The following ZCCHC7 variants were observed in gnomAD, a reference collection of about 807,000 sequenced individuals.
ZCCHC7 encodes the protein zinc finger CCHC-type containing 7.
In ZCCHC7, 35 loss-of-function variants were observed where a neutral mutation model predicts 52.0. The ratio of observed to expected loss-of-function variants is 0.67; its 90% CI spans 0.51 to 0.89. The LOEUF is 0.89. ZCCHC7 is among the 40% of genes least tolerant of loss of function. The pLI is 0.00. For synonymous variants in ZCCHC7, 217 were observed against 221.5 expected (o/e 0.98, Z 0.18); for missense variants, 574 against 649.1 (o/e 0.88, Z 1.26).
At chr9:37,325,314 G>A (rs867740770) in intron 5 of ZCCHC7, among the ~76,000 whole-genome samples, 16 of 152,208 alleles carry the variant, frequency 1.1e-4, no homozygotes, top group African/African-American at 3.6e-4. Context: ...GAGATCACCA[G>A]GGTAACCAAT....
At chr9:37,232,715 C>T (rs1275092319) in intron 2 of ZCCHC7, among the ~76,000 whole-genome samples, 1 of 152,140 alleles carries the variant, frequency 6.6e-6, no homozygotes, top group Non-Finnish European at 1.5e-5. Flanking sequence ...GTTGACATGT[C>T]AAGAAATAAT....
intron 2 of ZCCHC7, among the ~76,000 whole-genome samples, chr9:37,207,015 A>G (rs1823955000): frequency 6.6e-6 from 1 of 151,912 alleles, no homozygotes. Flanking sequence ...AGTCCCAGCT[A>G]CTGGAGAGGC....
At chr9:37,313,853 TAAAC>T (rs1278669451) in intron 5 of ZCCHC7, among the ~76,000 whole-genome samples, 2 of 152,364 alleles carry the variant, frequency 1.3e-5, no homozygotes, top group Non-Finnish European at 2.9e-5. Context: ...TTGAGTCAGT[TAAAC>T]CTCTTTTCTT....
At chr9:37,196,695 T>C (rs1302732846) in intron 2 of ZCCHC7, among the ~76,000 whole-genome samples, 1 of 152,196 alleles carries the variant, frequency 6.6e-6, no homozygotes, top group Non-Finnish European at 1.5e-5. Flanking sequence ...TAAAATTAAC[T>C]TTTTGCCCTG....
At position 37,328,818 on chromosome 9, in the gene ZCCHC7, T is replaced by TA. The variant is rs562013787; in HGVS notation, c.987+986dup. Among the ~76,000 whole-genome samples the TA allele has an allele frequency of 5.2e-3, 793 of 152,064 alleles. 3 individuals carry two copies. Among genetic ancestry groups the TA allele is most frequent in the African/African-American group, 0.018 (747 of 41,568 alleles). ...CAGGCCCAAGAGGCCATAAATTATA[T>TA]AAGGTGGTTTGTTTTCACATTTTGT... On this transcript the variant is annotated intron_variant, in intron 6 of 8. Transcript: ENST00000336755.
chr9:37,200,126 C>G (rs977496421), intron 2 of ZCCHC7, among the ~76,000 whole-genome samples: 3 of 152,110 alleles, frequency 2.0e-5, no homozygotes, highest in African/African-American at 7.2e-5. Context: ...TCTTCCTATT[C>G]TTAATCCTTT....
chr9:37,253,486 A>G (rs978641031), intron 2 of ZCCHC7, among the ~76,000 whole-genome samples: 3 of 152,054 alleles, frequency 2.0e-5, no homozygotes, highest in African/African-American at 7.2e-5. Context: ...TTCTTTATCT[A>G]TGTACATGAT....
At chr9:37,153,050 A>G (rs547787202) in intron 2 of ZCCHC7, among the ~76,000 whole-genome samples, 89 of 152,204 alleles carry the variant, frequency 5.8e-4, no homozygotes, top group African/African-American at 2.1e-3. Flanking sequence ...AAATTGTTCT[A>G]GCTTTGACCT....
chr9:37,246,966 A>G (rs1280061420), intron 2 of ZCCHC7, among the ~76,000 whole-genome samples: 12 of 152,144 alleles, frequency 7.9e-5, no homozygotes, highest in African/African-American at 2.7e-4. Flanking sequence ...TCTCTTAGCA[A>G]TTTTTAAGAA....
At chr9:37,344,521 A>G (rs1190445976) in intron 6 of ZCCHC7, among the ~76,000 whole-genome samples, 2 of 152,014 alleles carry the variant, frequency 1.3e-5, no homozygotes, top group Admixed American at 1.3e-4. Flanking sequence ...GTTTGTTCCT[A>G]CCATAGGACT....
intron 2 of ZCCHC7, among the ~76,000 whole-genome samples, chr9:37,157,386 G>A (rs1390143054): frequency 6.6e-6 from 1 of 152,036 alleles, no homozygotes; most frequent in Non-Finnish European, 1.5e-5. Flanking sequence ...GCTACTTGGG[G>A]AAACTGAGGC....
At chr9:37,256,792 GA>G (rs1357589077) in intron 2 of ZCCHC7, among the ~76,000 whole-genome samples, 2 of 152,122 alleles carry the variant, frequency 1.3e-5, no homozygotes, top group African/African-American at 4.8e-5. Flanking sequence ...TAACTTTTAG[GA>G]AACTATCACC....
At chr9:37,292,744 A>C (rs1268080940) in intron 2 of ZCCHC7, among the ~76,000 whole-genome samples, 2 of 152,212 alleles carry the variant, frequency 1.3e-5, no homozygotes, top group Non-Finnish European at 2.9e-5. Context: ...TGTTTCTTAC[A>C]TGGTATTTTA....
chr9:37,164,469 ATAG>A, intron 2 of ZCCHC7, among the ~76,000 whole-genome samples: 1 of 151,268 alleles, frequency 6.6e-6, no homozygotes, highest in East Asian at 1.9e-4. Context: ...AGATAGATAG[ATAG>A]ATAGATAGAT....
At chr9:37,122,368 A>G (rs1348665734) in intron 1 of ZCCHC7, among the ~76,000 whole-genome samples, 1 of 152,204 alleles carries the variant, frequency 6.6e-6, no homozygotes. Flanking sequence ...TTCTTAGATA[A>G]GTTTCATTTG....
intron 2 of ZCCHC7, among the ~76,000 whole-genome samples, chr9:37,164,095 CAA>C (rs888443965): frequency 1.9e-4 from 29 of 149,744 alleles, no homozygotes; most frequent in African/African-American, 7.1e-4. Flanking sequence ...TTTTTTTTTT[CAA>C]AGTTGTTTTG....
At chr9:37,322,507 T>C (rs1830093228) in intron 5 of ZCCHC7, 1 of 152,050 alleles carries the variant, frequency 6.6e-6, no homozygotes, top group Admixed American at 6.6e-5. Flanking sequence ...AGTGTACTTT[T>C]CTTTTTCATC....
chr9:37,160,078 C>G (rs1821012460), intron 2 of ZCCHC7: 1 of 152,186 alleles, frequency 6.6e-6, no homozygotes, highest in Non-Finnish European at 1.5e-5. Context: ...GCCAGACACC[C>G]TACTTGAAGG....
chr9:37,306,762 C>CTTTTTTTTTTTTTTTTTTTTTTTTT lies in ZCCHC7; in HGVS notation c.951+1066_951+1090dup, dbSNP rs869292704. On this transcript the variant is annotated intron_variant, in intron 5 of 8. Transcript: ENST00000336755. ...ACAGGCATGAGCCACTGTACCCGAC[C>CTTTTTTTTTTTTTTTTTTTTTTTTT]TTTTTTTTTTTTTTTTTTTTTTTTT... Among the ~76,000 whole-genome samples the CTTTTTTTTTTTTTTTTTTTTTTTTT allele has an allele frequency of 9.6e-5, 5 of 52,034 alleles. 2 individuals are homozygous for CTTTTTTTTTTTTTTTTTTTTTTTTT. Among genetic ancestry groups the CTTTTTTTTTTTTTTTTTTTTTTTTT allele is most frequent in the Non-Finnish European group, 1.5e-4 (4 of 26,720 alleles). The allele number at this position is 52,034 out of a possible 152,430, so 34.1% of individuals were successfully genotyped here.
Sources: allele counts gnomAD v4.1 joint callset (sites outside exome capture counted in the v4.1 genomes callset), GRCh38; gene constraint gnomAD v4.1.1; transcripts MANE v1.5; gene names NCBI Gene and HGNC (gene_info 2026-07-23, HGNC 2026-07-21).